The following ROBO2 variants were observed in gnomAD, a reference collection of about 807,000 sequenced individuals.
ROBO2 encodes roundabout homolog 2.
Under a neutral mutation model 160.8 loss-of-function variants are expected in ROBO2, and 53 were observed. The ratio of observed to expected loss-of-function variants is 0.33; its 90% CI spans 0.26 to 0.41. ROBO2 has a LOEUF of 0.41. Ranked by LOEUF, ROBO2 falls within the 10% of genes least tolerant of loss-of-function variation. The pLI is 1.00. For missense variants in ROBO2, 1,577 were observed against 1,722.4 expected (o/e 0.92, Z 1.49); for synonymous variants, 664 against 611.7 (o/e 1.09, Z -1.26).
At chr3:76,157,960 C>T (rs953592493) in intron 2 of ROBO2, among the ~76,000 whole-genome samples, 1 of 152,114 alleles carries the variant, frequency 6.6e-6, no homozygotes, top group African/African-American at 2.4e-5. Flanking sequence ...CATTCTCTTT[C>T]CTCCAGATCA....
intron 2 of ROBO2, among the ~76,000 whole-genome samples, chr3:76,344,532 C>T (rs892249191): frequency 5.9e-5 from 9 of 152,182 alleles, no homozygotes; most frequent in South Asian, 2.1e-4. Context: ...ACTCAGAAGT[C>T]GGGATAGGAG....
chr3:77,305,585 GCC>G (rs1208206439), intron 2 of ROBO2, among the ~76,000 whole-genome samples: 6 of 152,042 alleles, frequency 3.9e-5, no homozygotes, highest in African/African-American at 1.4e-4. Context: ...CTGTGAATTC[GCC>G]CATGTTCACA....
intron 2 of ROBO2, among the ~76,000 whole-genome samples, chr3:76,347,341 A>G (rs974710875): frequency 2.0e-5 from 3 of 152,114 alleles, no homozygotes; most frequent in African/African-American, 7.2e-5. Flanking sequence ...AGAATTATTG[A>G]TTTTATTTAT....
chr3:77,091,534 C>T (rs1321157241), intron 1 of ROBO2, among the ~76,000 whole-genome samples: 4 of 152,264 alleles, frequency 2.6e-5, no homozygotes, highest in South Asian at 2.1e-4. Context: ...TTCACAGATG[C>T]GTCTGCATCT....
intron 2 of ROBO2, among the ~76,000 whole-genome samples, chr3:76,655,748 A>AGAAGGAAG (rs758912727): frequency 6.7e-6 from 1 of 148,252 alleles, no homozygotes; most frequent in Non-Finnish European, 1.5e-5. Flanking sequence ...GAGGGAGGAA[A>AGAAGGAAG]GAAGGAAGGA....
chr3:77,371,485 T>G (rs1207930534), intron 2 of ROBO2, among the ~76,000 whole-genome samples: 1 of 152,322 alleles, frequency 6.6e-6, no homozygotes, highest in Non-Finnish European at 1.5e-5. Flanking sequence ...AAATGAGAAC[T>G]TACATACTAG....
At chr3:76,683,645 A>C (rs2092620835) in intron 2 of ROBO2, among the ~76,000 whole-genome samples, 1 of 152,102 alleles carries the variant, frequency 6.6e-6, no homozygotes. Flanking sequence ...CATATATTTG[A>C]AATAGTTTTT....
At chr3:76,706,708 C>T (rs992296513) in intron 2 of ROBO2, among the ~76,000 whole-genome samples, 8 of 151,810 alleles carry the variant, frequency 5.3e-5, no homozygotes, top group Admixed American at 2.0e-4. Context: ...AGAATATTTC[C>T]AAGGAATTAA....
chr3:76,355,722 T>C (rs2075122925), intron 2 of ROBO2, among the ~76,000 whole-genome samples: 1 of 151,820 alleles, frequency 6.6e-6, no homozygotes, highest in South Asian at 2.1e-4. Context: ...ATAAAGAAAG[T>C]ATCTAGCATT....
At chr3:77,161,865 T>C (rs2078519985) in intron 2 of ROBO2, among the ~76,000 whole-genome samples, 1 of 152,132 alleles carries the variant, frequency 6.6e-6, no homozygotes, top group African/African-American at 2.4e-5. Context: ...ATGTAGTTCT[T>C]CTTCTGTACA....
At chr3:76,508,034 A>G (rs1577732944) in intron 2 of ROBO2, among the ~76,000 whole-genome samples, 1 of 152,310 alleles carries the variant, frequency 6.6e-6, no homozygotes, top group East Asian at 1.9e-4. Context: ...AAGTAAAATC[A>G]TATGAAATAA....
At chr3:77,213,967 T>C (rs1343388394) in intron 2 of ROBO2, among the ~76,000 whole-genome samples, 2 of 152,182 alleles carry the variant, frequency 1.3e-5, no homozygotes, top group Non-Finnish European at 2.9e-5. Flanking sequence ...TTTCTGTTTT[T>C]TTACATTTGC....
intron 2 of ROBO2, among the ~76,000 whole-genome samples, chr3:77,445,886 A>G (rs11924699): frequency 0.08 from 12,007 of 149,492 alleles, 551 homozygotes; most frequent in African/African-American, 0.11. Context: ...TGTGTCTAGT[A>G]TACTGTACAG....
intron 2 of ROBO2, among the ~76,000 whole-genome samples, chr3:76,953,883 G>A (rs2079096352): frequency 6.6e-6 from 1 of 152,052 alleles, no homozygotes; most frequent in African/African-American, 2.4e-5. Context: ...ACATTTAAAG[G>A]CCGGCATCCT....
chr3:76,394,027 C>T (rs538744753), intron 2 of ROBO2, among the ~76,000 whole-genome samples: 98 of 152,166 alleles, frequency 6.4e-4, no homozygotes, highest in Middle Eastern at 3.4e-3. Context: ...TGTCTCTGCA[C>T]GTGAGATGGG....
At chr3:76,790,023 G>T (rs2063253933) in intron 2 of ROBO2, among the ~76,000 whole-genome samples, 1 of 151,698 alleles carries the variant, frequency 6.6e-6, no homozygotes. Flanking sequence ...TAATTTTAAA[G>T]TTTAAACTAT....
At chr3:76,376,801 A>G (rs1429084152) in intron 2 of ROBO2, among the ~76,000 whole-genome samples, 1 of 152,044 alleles carries the variant, frequency 6.6e-6, no homozygotes, top group Non-Finnish European at 1.5e-5. Context: ...TTCAAATTTG[A>G]CCATTTATGG....
At chr3:76,813,024 G>A (rs1012219031) in intron 2 of ROBO2, among the ~76,000 whole-genome samples, 4 of 132,282 alleles carry the variant, frequency 3.0e-5, no homozygotes, top group Admixed American at 1.8e-4. Context: ...CTTATTGTTT[G>A]TACTGGCACA....
chr3:76,601,271 G>A (rs375940520), intron 2 of ROBO2, among the ~76,000 whole-genome samples: 3 of 152,288 alleles, frequency 2.0e-5, no homozygotes, highest in Middle Eastern at 3.4e-3. Context: ...CCGTTCTGGG[G>A]TCTGGAGGAT....
Sources: allele counts gnomAD v4.1 joint callset (sites outside exome capture counted in the v4.1 genomes callset), GRCh38; gene constraint gnomAD v4.1.1; transcripts MANE v1.5; gene names NCBI Gene and HGNC (gene_info 2026-07-23, HGNC 2026-07-21).